The following CLDN16 variants were observed in gnomAD, a reference collection of about 807,000 sequenced individuals.
CLDN16 encodes the protein claudin-16.
CLDN16 carries 13 observed loss-of-function variants against 24.6 expected under a neutral mutation model. That is an observed-to-expected ratio of 0.53 (90% CI 0.34 to 0.84). CLDN16 has a LOEUF of 0.84. Ranked by LOEUF, CLDN16 falls within the 40% of genes least tolerant of loss-of-function variation. CLDN16 has a pLI of 0.01. For synonymous variants in CLDN16, 116 were observed against 106.7 expected, an observed-to-expected ratio of 1.09 and a Z score of -0.54; for missense variants, 298 against 292.7, an observed-to-expected ratio of 1.02 and a Z score of -0.13.
At chr3:190,392,394 CTTTT>C in intron 1 of CLDN16, among the ~76,000 whole-genome samples, 1 of 151,416 alleles carries the variant, frequency 6.6e-6, no homozygotes, top group South Asian at 2.1e-4. Flanking sequence ...ATTTCTCTCT[CTTTT>C]CTTTCTACCT....
In CLDN16 at chr3:190,388,554, A is replaced by T. The variant is rs1406772826; in HGVS notation, c.114+111A>T. ...TTTACTAAGGCTAATGATACCAAAA[A>T]TAGGCAACATGGACTATTTATTGAG... On this transcript the variant is annotated intron_variant, in intron 1 of 4. Transcript: ENST00000264734. 3.4e-6 allele frequency: 3 copies of T among 873,334 alleles called. No homozygotes were observed. The African/African-American group carries it at 4.9e-5, about 14-fold the overall frequency. 54.1% of individuals were successfully genotyped at this position (873,334 alleles called of 1,614,324 possible).
intron 1 of CLDN16, among the ~76,000 whole-genome samples, chr3:190,367,008 G>A (rs1364592423): frequency 6.6e-6 from 1 of 151,954 alleles, no homozygotes; most frequent in Non-Finnish European, 1.5e-5. Flanking sequence ...CAAAGAACAA[G>A]ATACATAAAA....
upstream of CLDN16, among the ~76,000 whole-genome samples, chr3:190,385,997 G>GCCT (rs1401499189): frequency 2.0e-4 from 30 of 152,252 alleles, no homozygotes; most frequent in African/African-American, 6.7e-4. Context: ...AGAGTCCAGT[G>GCCT]TACACTCAGG....
intron 4 of CLDN16, 51 bp from the exon 5 acceptor site, chr3:190,409,852 A>G: frequency 6.4e-7 from 1 of 1,568,674 alleles, no homozygotes; most frequent in Non-Finnish European, 8.8e-7. Flanking sequence ...GTATTTTATA[A>G]TTTTCCCAAG....
chr3:190,369,672 T>G (rs1718094922), intron 1 of CLDN16, among the ~76,000 whole-genome samples: 1 of 151,974 alleles, frequency 6.6e-6, no homozygotes, highest in Admixed American at 6.6e-5. Context: ...CATCGTTCTA[T>G]GTCAACAAAC....
intron 1 of CLDN16, among the ~76,000 whole-genome samples, chr3:190,330,463 G>C (rs547184593): frequency 2.0e-5 from 3 of 152,222 alleles, no homozygotes; most frequent in Middle Eastern, 3.4e-3. Flanking sequence ...CTGGTTGCTC[G>C]CTGTGTGATA....
chr3:190,327,673 A>T (rs1374729869), intron 1 of CLDN16, among the ~76,000 whole-genome samples: 2 of 152,204 alleles, frequency 1.3e-5, no homozygotes, highest in Non-Finnish European at 2.9e-5. Context: ...AATATTTATC[A>T]GTTACCTCCT....
intron 1 of CLDN16, among the ~76,000 whole-genome samples, chr3:190,336,115 A>G (rs1235446000): frequency 6.6e-6 from 1 of 152,172 alleles, no homozygotes; most frequent in African/African-American, 2.4e-5. Flanking sequence ...CAGGAGAAAA[A>G]AAAATGACTA....
chr3:190,299,029 T>C, the CLDN16 span, among the ~76,000 whole-genome samples: 10 of 152,322 alleles, frequency 6.6e-5, no homozygotes, highest in East Asian at 1.9e-4. Context: ...TTAGTATTCC[T>C]TTCAAAATTT....
At chr3:190,297,563 TATATA>T in the CLDN16 span, among the ~76,000 whole-genome samples, 3,746 of 140,708 alleles carry the variant, frequency 0.027, 104 homozygotes, top group Admixed American at 0.09. Context: ...AGATATATAA[TATATA>T]GTATATAATA....
chr3:190,371,417 C>T (rs1718139879), intron 2 of CLDN16, among the ~76,000 whole-genome samples: 1 of 151,806 alleles, frequency 6.6e-6, no homozygotes. Context: ...CCCTACACTT[C>T]GTAGGTTCAC....
upstream of CLDN16, among the ~76,000 whole-genome samples, chr3:190,383,740 T>G (rs556839639): frequency 1.5e-4 from 23 of 152,280 alleles, no homozygotes; most frequent in South Asian, 2.1e-3. Context: ...ACTTTTTCTT[T>G]CCTTTGTTTT....
chr3:190,295,509 T>G, the CLDN16 span, among the ~76,000 whole-genome samples: 11 of 152,288 alleles, frequency 7.2e-5, no homozygotes, highest in South Asian at 1.5e-3. Context: ...CATAGGAAAC[T>G]TAATACCAAC....
upstream of CLDN16, chr3:190,387,887 G>A (rs927839923): frequency 1.7e-6 from 1 of 571,550 alleles, no homozygotes. Flanking sequence ...TCCGAGTGGG[G>A]AGGAGAATAG....
At chr3:190,355,880 T>G (rs1717758851) in intron 1 of CLDN16, among the ~76,000 whole-genome samples, 2 of 151,170 alleles carry the variant, frequency 1.3e-5, no homozygotes, top group African/African-American at 2.4e-5. Context: ...TCTGTGGGGT[T>G]TTTTGTTTGT....
chr3:190,322,143 T>C (rs1013392226), upstream of CLDN16: 7 of 1,614,046 alleles, frequency 4.3e-6, no homozygotes, highest in Non-Finnish European at 5.9e-6. Context: ...GTGCTGACGA[T>C]GGCGCCGATC....
At chr3:190,378,021 C>G (rs1718281708) in intron 3 of CLDN16, among the ~76,000 whole-genome samples, 1 of 151,928 alleles carries the variant, frequency 6.6e-6, no homozygotes, top group Non-Finnish European at 1.5e-5. Flanking sequence ...GGACCATGTT[C>G]TCTGGAGTCA....
chr3:190,319,307 C>T (rs1287364317), upstream of CLDN16, among the ~76,000 whole-genome samples: 1 of 152,122 alleles, frequency 6.6e-6, no homozygotes, highest in Non-Finnish European at 1.5e-5. Flanking sequence ...CAAGAATCCC[C>T]AGGGTCAATA....
chr3:190,293,085 T>C, the CLDN16 span, among the ~76,000 whole-genome samples: 1 of 152,192 alleles, frequency 6.6e-6, no homozygotes, highest in Admixed American at 6.5e-5. Flanking sequence ...AAAGAAAAGA[T>C]GTTTATTGGA....
Sources: allele counts gnomAD v4.1 joint callset (sites outside exome capture counted in the v4.1 genomes callset), GRCh38; gene constraint gnomAD v4.1.1; transcripts MANE v1.5; gene names NCBI Gene and HGNC (gene_info 2026-07-23, HGNC 2026-07-21).